CCDC85A: variants seen among roughly 807,000 people sequenced by gnomAD.
The protein encoded by CCDC85A is coiled-coil domain-containing protein 85A.
CCDC85A carries 38 observed loss-of-function variants against 50.2 expected under a neutral mutation model. The observed-to-expected ratio is 0.76, with a 90% CI of 0.58 to 0.99. The LOEUF is 0.99. Ranked by LOEUF, CCDC85A falls within the 50% of genes least tolerant of loss-of-function variation. The probability of loss-of-function intolerance (pLI) is 0.00; values close to 1 mark genes in which losing one functional copy is unlikely to be tolerated. For missense variants in CCDC85A, 820 were observed against 742.0 expected (o/e 1.11, Z -1.22); for synonymous variants, 366 against 301.4 (o/e 1.21, Z -2.22).
intron 2 of CCDC85A, among the ~76,000 whole-genome samples, chr2:56,218,882 A>G (rs1285195706): frequency 1.3e-5 from 2 of 151,854 alleles, no homozygotes; most frequent in African/African-American, 4.8e-5. Context: ...AAAGACTCAC[A>G]TCTTAAAAGG....
chr2:56,297,832 A>T (rs931892993), intron 2 of CCDC85A, among the ~76,000 whole-genome samples: 1 of 152,270 alleles, frequency 6.6e-6, no homozygotes, highest in East Asian at 1.9e-4. Context: ...AGTGGGTGGC[A>T]TTTGGCAGAT....
At chr2:56,210,249 A>G (rs1057036591) in intron 2 of CCDC85A, among the ~76,000 whole-genome samples, 2 of 152,044 alleles carry the variant, frequency 1.3e-5, no homozygotes, top group South Asian at 2.1e-4. Flanking sequence ...GTCATGTTTT[A>G]TTTGTCCCAA....
chr2:56,383,974 A>T (rs751156645), intron 5 of CCDC85A, among the ~76,000 whole-genome samples: 1 of 151,880 alleles, frequency 6.6e-6, no homozygotes, highest in Non-Finnish European at 1.5e-5. Flanking sequence ...TCAAGTGCTT[A>T]GTGTGCAGTC....
chr2:56,262,245 G>A (rs1670249703), intron 2 of CCDC85A, among the ~76,000 whole-genome samples: 3 of 151,116 alleles, frequency 2.0e-5, no homozygotes, highest in African/African-American at 7.3e-5. Flanking sequence ...ATAATGGAGG[G>A]GTAATTATTC....
At chr2:56,358,444 G>C (rs1675345575) in intron 3 of CCDC85A, among the ~76,000 whole-genome samples, 1 of 152,190 alleles carries the variant, frequency 6.6e-6, no homozygotes, top group Admixed American at 6.5e-5. Flanking sequence ...TCCTTCTCCA[G>C]AAATGTCCCA....
At chr2:56,285,054 C>G (rs1375220711) in intron 2 of CCDC85A, among the ~76,000 whole-genome samples, 2 of 151,644 alleles carry the variant, frequency 1.3e-5, no homozygotes, top group African/African-American at 4.8e-5. Flanking sequence ...TCCAGTCTGG[C>G]AGTGTCTGCT....
chr2:56,360,203 G>C (rs1400668901), intron 3 of CCDC85A, among the ~76,000 whole-genome samples: 8 of 152,218 alleles, frequency 5.3e-5, no homozygotes. Flanking sequence ...CTTGGTCAGT[G>C]ACTAATGTCA....
chr2:56,211,832 A>G (rs1406027766), intron 2 of CCDC85A, among the ~76,000 whole-genome samples: 1 of 152,036 alleles, frequency 6.6e-6, no homozygotes, highest in Non-Finnish European at 1.5e-5. Flanking sequence ...GTATTAGGGC[A>G]TCTACCTTGA....
intron 2 of CCDC85A, among the ~76,000 whole-genome samples, chr2:56,332,253 C>A (rs755292143): frequency 1.3e-5 from 2 of 152,138 alleles, no homozygotes; most frequent in African/African-American, 4.8e-5. Context: ...TTCTGTGTCT[C>A]CCTCTCTTCT....
chr2:56,184,710 C>A lies in CCDC85A; in HGVS notation c.86C>A (p.Pro29Gln). The change falls in exon 1 of 6, where the codon CCG (proline) becomes CAG (glutamine). Residue 29 changes from proline (P) to glutamine (Q), a missense_variant. Transcript: ENST00000407595. The part of the protein sequence containing the change: ...SPAPAGSSAA[P>Q]PAPVEDLSKV... ...GCCCCGGCCGGCTCGTCCGCGGCCC[C>A]GCCCGCGCCGGTGGAGGACCTGTCC... The A allele has an allele frequency of 3.3e-6, 5 of 1,529,496 alleles. No homozygotes were observed. Among genetic ancestry groups the A allele is most frequent in the Non-Finnish European group, 4.4e-6 (5 of 1,141,644 alleles). 94.7% of individuals were successfully genotyped at this position (1,529,496 alleles called of 1,614,324 possible).
intron 3 of CCDC85A, among the ~76,000 whole-genome samples, chr2:56,366,210 G>T (rs552249069): frequency 6.6e-6 from 1 of 152,252 alleles, no homozygotes; most frequent in South Asian, 2.1e-4. Flanking sequence ...TAATGCTGCA[G>T]TTAACATGGG....
Position 56,342,965 on chromosome 2 carries a change from T to A in CCDC85A, c.1317+10T>A. 1 of 1,574,972 alleles carries A rather than the reference T, an allele frequency of 6.3e-7. No homozygotes were observed. The highest frequency in any genetic ancestry group is 2.3e-5 in the East Asian group (1 of 43,448). ...TCGCATGCTGCCCCAGGTGGGTGAC[T>A]TCCAGAAGCTCATAGCTAGTCAGTG... On this transcript the variant is annotated intron_variant, in intron 3 of 5. Transcript: ENST00000407595.
At chr2:56,291,839 C>T (rs1248940290) in intron 2 of CCDC85A, among the ~76,000 whole-genome samples, 2 of 144,624 alleles carry the variant, frequency 1.4e-5, no homozygotes, top group Non-Finnish European at 3.0e-5. Flanking sequence ...CCTGTGAGAA[C>T]GTTCACGCTG....
chr2:56,309,870 T>C (rs1444669737), intron 2 of CCDC85A, among the ~76,000 whole-genome samples: 1 of 152,162 alleles, frequency 6.6e-6, no homozygotes, highest in Admixed American at 6.6e-5. Flanking sequence ...GTCAGCTTCA[T>C]GTACAGACTT....
At chr2:56,299,715 C>T (rs2104182805) in intron 2 of CCDC85A, among the ~76,000 whole-genome samples, 2 of 152,156 alleles carry the variant, frequency 1.3e-5, no homozygotes, top group Middle Eastern at 6.8e-3. Flanking sequence ...AATCAAGAAA[C>T]CGGGTAAAGT....
chr2:56,233,323 G>T (rs1377120452), intron 2 of CCDC85A, among the ~76,000 whole-genome samples: 1 of 152,174 alleles, frequency 6.6e-6, no homozygotes, highest in African/African-American at 2.4e-5. Flanking sequence ...TCCAGAGCTT[G>T]TTCCATAATG....
rs542867230 is a variant in CCDC85A, at chr2:56,247,137, C to T, written c.1240+53697C>T. The stretch of plus-strand genomic sequence containing the variant: ...GGTTCTGCCCAGGAACCAAGACTGT[C>T]CTGGATATGTGTAAAGAAAGTGATT... On this transcript the variant is annotated intron_variant, in intron 2 of 5. Coordinates refer to ENST00000407595, the MANE Select transcript of CCDC85A (RefSeq NM_001080433.2). 2.6e-5 allele frequency among the ~76,000 whole-genome samples: 4 copies of T among 152,200 alleles called. No individual in the cohort carries two copies. The East Asian group carries it at 7.7e-4, about 29-fold the overall frequency.
chr2:56,267,459 C>A (rs1670502466), intron 2 of CCDC85A, among the ~76,000 whole-genome samples: 1 of 152,142 alleles, frequency 6.6e-6, no homozygotes, highest in African/African-American at 2.4e-5. Context: ...ATGTTTTTAT[C>A]CATGTTTTTA....
At chr2:56,324,794 A>G (rs1317802273) in intron 2 of CCDC85A, among the ~76,000 whole-genome samples, 4 of 152,052 alleles carry the variant, frequency 2.6e-5, no homozygotes, top group Non-Finnish European at 5.9e-5. Context: ...TTTATGTCCA[A>G]GAGGCATGTA....
Sources: gnomAD v4.1 joint callset for allele counts (sites outside exome capture counted in the v4.1 genomes callset) on GRCh38, gnomAD v4.1.1 for gene constraint, MANE v1.5 for transcripts, NCBI Gene and HGNC (gene_info 2026-07-23, HGNC 2026-07-21) for gene names.